The following GALNT2 variants were observed in gnomAD, a reference collection of about 807,000 sequenced individuals.
GALNT2 encodes the protein polypeptide N-acetylgalactosaminyltransferase 2, also known as UDP-GalNAc:polypeptide N-acetylgalactosaminyltransferase 2.
GALNT2 carries 31 observed loss-of-function variants against 81.4 expected under a neutral mutation model. The ratio of observed to expected loss-of-function variants is 0.38; its 90% confidence interval spans 0.29 to 0.51. The LOEUF (loss-of-function observed/expected upper bound fraction) is 0.51, where lower values mean the gene tolerates loss of function less well. Among genes scored for constraint, GALNT2 ranks in the 20% least tolerant of loss-of-function variants. The probability of loss-of-function intolerance (pLI) is 0.87; values close to 1 mark genes in which losing one functional copy is unlikely to be tolerated. For synonymous variants in GALNT2, 303 were observed against 287.4 expected (o/e 1.05, Z -0.55); for missense variants, 629 against 765.7 (o/e 0.82, Z 2.11).
intron 3 of GALNT2, among the ~76,000 whole-genome samples, chr1:230,227,323 T>C (rs1458581447): frequency 6.6e-6 from 1 of 152,022 alleles, no homozygotes; most frequent in Non-Finnish European, 1.5e-5. Context: ...TTTCCTTCAG[T>C]AGTATCTAGC....
intron 9 of GALNT2, among the ~76,000 whole-genome samples, chr1:230,250,207 AGGC>A (rs1665500913): frequency 6.6e-6 from 1 of 152,202 alleles, no homozygotes; most frequent in Non-Finnish European, 1.5e-5. Context: ...CACATAGGGG[AGGC>A]TCAGTCCAGC....
chr1:230,250,397 G>A (rs765753058), intron 9 of GALNT2, 60 bp from the exon 10 acceptor site: 2 of 1,297,256 alleles, frequency 1.5e-6, no homozygotes, highest in Non-Finnish European at 2.2e-6. Flanking sequence ...CAAGGGTGCT[G>A]GCAATCTAAC....
rs376084980 is a variant in GALNT2, at chr1:230,279,148, C to T, written c.1561-155C>T. 6.6e-6 allele frequency among the ~76,000 whole-genome samples: 1 copy of T among 152,316 alleles called. No individual in the cohort carries two copies. The highest frequency in any genetic ancestry group is 2.1e-4 in the South Asian group (1 of 4,824). On this transcript the variant is annotated intron_variant, in intron 15 of 15. Transcript: ENST00000366672. This position sits in a 1 kb window ranked among gnomAD's most constrained non-coding sequence, Gnocchi z 4.6. Reference sequence around the variant, plus strand: ...CACCTGTGGCTGGTTTCCTGTGGGGCTGCTGCAAGCTCCTCGGCCGTTCAG... The same window carrying T: ...CACCTGTGGCTGGTTTCCTGTGGGGTTGCTGCAAGCTCCTCGGCCGTTCAG...
chr1:230,073,127 C>T (rs760433493), intron 1 of GALNT2, among the ~76,000 whole-genome samples: 7 of 152,278 alleles, frequency 4.6e-5, no homozygotes, highest in Non-Finnish European at 5.9e-5. Context: ...CTGGGCCTGG[C>T]GGGGAACTCT....
At chr1:230,251,557 T>C (rs1237023804) in intron 10 of GALNT2, among the ~76,000 whole-genome samples, 6 of 152,150 alleles carry the variant, frequency 3.9e-5, no homozygotes, top group Admixed American at 3.9e-4. Context: ...AGACCGTGAG[T>C]CAAACTCCTT....
At chr1:230,222,031 C>CTCTTTTTTT (rs1553270493) in intron 3 of GALNT2, among the ~76,000 whole-genome samples, 2 of 96,120 alleles carry the variant, frequency 2.1e-5, no homozygotes, top group African/African-American at 1.0e-4. Context: ...CTGCTTTTCT[C>CTCTTTTTTT]TTTTTTTTTT....
At chr1:230,175,126 A>G (rs2102861256) in intron 1 of GALNT2, among the ~76,000 whole-genome samples, 1 of 152,354 alleles carries the variant, frequency 6.6e-6, no homozygotes, top group Middle Eastern at 3.4e-3. Flanking sequence ...GGACAAGACA[A>G]GCATCTACAG....
intron 3 of GALNT2, among the ~76,000 whole-genome samples, chr1:230,214,432 C>G (rs576969758): frequency 6.6e-6 from 1 of 152,268 alleles, no homozygotes; most frequent in Non-Finnish European, 1.5e-5. Flanking sequence ...TTTGAAGAGT[C>G]TTTTCACTGA....
At chr1:230,230,125 A>T (rs1261035306) in intron 3 of GALNT2, among the ~76,000 whole-genome samples, 1 of 152,206 alleles carries the variant, frequency 6.6e-6, no homozygotes, top group African/African-American at 2.4e-5. Context: ...ACACACAGTG[A>T]TGTCAGTTGC....
rs539781464 is a variant in GALNT2, at chr1:230,219,611, C to T, written c.374+16321C>T. On this transcript the variant is annotated intron_variant, in intron 3 of 15. Transcript: ENST00000366672. ...TAACCTATGGTGAGGACACCTGGAT[C>T]CCCCTCCTGGGCCCTGCATAGATGG... Among the ~76,000 whole-genome samples the T allele has an allele frequency of 7.9e-5, 12 of 152,208 alleles. No individual in the cohort carries two copies. In the East Asian group the frequency reaches 2.3e-3, roughly 30 times the overall value.
chr1:230,150,313 A>G (rs1206412407), intron 1 of GALNT2, among the ~76,000 whole-genome samples: 1 of 152,216 alleles, frequency 6.6e-6, no homozygotes, highest in East Asian at 1.9e-4. Context: ...AAGAGGCTTG[A>G]CAGGCTTGGA....
chr1:230,135,844 C>G (rs1661520957), intron 1 of GALNT2, among the ~76,000 whole-genome samples: 1 of 151,886 alleles, frequency 6.6e-6, no homozygotes, highest in Non-Finnish European at 1.5e-5. Flanking sequence ...CACCACCACG[C>G]CTGGCTAACT....
Position 230,281,882 on chromosome 1 carries a change from G to A in GALNT2, c.*2424G>A, listed in dbSNP as rs1025216170. Reference sequence around the variant, plus strand: ...CAGAATTCTTTCCTAAGAGCCCTTCGAGCAAAGCGTGCCGAAGTTAGTTGT... The same window carrying A: ...CAGAATTCTTTCCTAAGAGCCCTTCAAGCAAAGCGTGCCGAAGTTAGTTGT... On this transcript the variant is annotated 3_prime_UTR_variant, in exon 16 of 16. Coordinates refer to ENST00000366672, the MANE Select transcript of GALNT2 (RefSeq NM_004481.5). 8 of 152,528 alleles carry A rather than the reference G, an allele frequency of 5.2e-5. No individual in the cohort carries two copies. The highest frequency in any genetic ancestry group is 1.9e-4 in the African/African-American group (8 of 41,406). 9.4% of individuals were successfully genotyped at this position (152,528 alleles called of 1,614,324 possible). A position where few individuals can be genotyped will look rare whatever the true frequency, so the allele number is the denominator to read the frequency against.
At chr1:230,120,008 G>T (rs1017367288) in intron 1 of GALNT2, among the ~76,000 whole-genome samples, 10 of 152,100 alleles carry the variant, frequency 6.6e-5, no homozygotes, top group Non-Finnish European at 1.2e-4. Context: ...GAGAGCCCTG[G>T]TTCTCTGTGC....
Position 230,280,167 on chromosome 1 carries a change from G to A in GALNT2, c.*709G>A, listed in dbSNP as rs572157939. ...CCGTTCGCAGCTTCCGGGAGAAGGG[G>A]CCAGAGCCCGGTGGGGCCAGTTTCT... On this transcript the variant is annotated 3_prime_UTR_variant, in exon 16 of 16. Transcript: ENST00000366672. 2 of 372,168 alleles carry A rather than the reference G, an allele frequency of 5.4e-6. No individual in the cohort carries two copies. Among genetic ancestry groups the A allele is most frequent in the Non-Finnish European group, 1.1e-5 (2 of 187,038 alleles). The allele number at this position is 372,168 out of a possible 1,614,324, so 23.1% of individuals were successfully genotyped here. A position where few individuals can be genotyped will look rare whatever the true frequency, so the allele number is the denominator to read the frequency against.
intron 2 of GALNT2, among the ~76,000 whole-genome samples, chr1:230,201,242 T>C (rs187286575): frequency 1.2e-4 from 18 of 152,266 alleles, no homozygotes; most frequent in Non-Finnish European, 2.1e-4. Flanking sequence ...CAGCTGTTTA[T>C]TGGGGCCGTG....
At chr1:230,223,463 T>TA (rs1388947720) in intron 3 of GALNT2, among the ~76,000 whole-genome samples, 2 of 152,014 alleles carry the variant, frequency 1.3e-5, no homozygotes, top group African/African-American at 4.8e-5. Flanking sequence ...ATTTTTTTTT[T>TA]AATTTTATTC....
At chr1:230,180,333 T>G (rs1663120155) in intron 2 of GALNT2, among the ~76,000 whole-genome samples, 1 of 130,148 alleles carries the variant, frequency 7.7e-6, no homozygotes, top group Non-Finnish European at 1.5e-5. Context: ...GGCATGTGAG[T>G]GTCCAGGTCT....
intron 3 of GALNT2, among the ~76,000 whole-genome samples, chr1:230,228,421 G>A (rs1040539675): frequency 1.6e-4 from 25 of 151,902 alleles, no homozygotes; most frequent in Non-Finnish European, 3.4e-4. Flanking sequence ...GTACAGGTGC[G>A]GGGTTACACA....
Sources: gnomAD v4.1 joint callset for allele counts (sites outside exome capture counted in the v4.1 genomes callset) on GRCh38, gnomAD v4.1.1 for gene constraint, Gnocchi (gnomAD v3.1) non-coding constraint, MANE v1.5 for transcripts, NCBI Gene and HGNC (gene_info 2026-07-23, HGNC 2026-07-21) for gene names.